ZFAND3: variants seen among roughly 807,000 people sequenced by gnomAD.
The protein encoded by ZFAND3 is zinc finger AN1-type containing 3.
Under a neutral mutation model 29.6 loss-of-function variants are expected in ZFAND3, and 10 were observed. The ratio of observed to expected loss-of-function variants is 0.34; its 90% CI spans 0.21 to 0.57. The LOEUF (loss-of-function observed/expected upper bound fraction) is 0.57, where lower values mean the gene tolerates loss of function less well. ZFAND3 is among the 20% of genes least tolerant of loss of function. The probability of loss-of-function intolerance (pLI) is 0.86; values close to 1 mark genes in which losing one functional copy is unlikely to be tolerated. For synonymous variants in ZFAND3, 128 were observed against 112.6 expected, an observed-to-expected ratio of 1.14 and a Z score of -0.87; for missense variants, 230 against 304.5, an observed-to-expected ratio of 0.76 and a Z score of 1.82.
In ZFAND3 at chr6:37,859,688, A is replaced by G. The variant is rs535763073; in HGVS notation, c.71+39672A>G. Among the ~76,000 whole-genome samples the G allele has an allele frequency of 8.5e-5, 13 of 152,286 alleles. No individual in the cohort carries two copies. In the East Asian group the frequency reaches 9.6e-4, roughly 11 times the overall value. On this transcript the variant is annotated intron_variant, in intron 1 of 5. Coordinates refer to ENST00000287218, the MANE Select transcript of ZFAND3 (RefSeq NM_021943.3). Reference sequence around the variant, plus strand: ...GGATTGAATTCATGAATGGCTTGCAAATATTGTGGGACTGGCCTTGTACCT... The same window carrying G: ...GGATTGAATTCATGAATGGCTTGCAGATATTGTGGGACTGGCCTTGTACCT...
chr6:37,961,126 T>G (rs572325559), intron 2 of ZFAND3, among the ~76,000 whole-genome samples: 1 of 152,238 alleles, frequency 6.6e-6, no homozygotes, highest in South Asian at 2.1e-4. Context: ...AGGACTTGGC[T>G]CTTGGATGGC....
intron 2 of ZFAND3, among the ~76,000 whole-genome samples, chr6:38,014,389 C>T (rs759019860): frequency 4.0e-5 from 6 of 151,728 alleles, no homozygotes; most frequent in Non-Finnish European, 7.4e-5. Flanking sequence ...TGCCGTGGCG[C>T]GATCTTGGCT....
intron 1 of ZFAND3, among the ~76,000 whole-genome samples, chr6:37,844,445 C>T (rs1764139981): frequency 1.3e-5 from 2 of 151,820 alleles, no homozygotes; most frequent in Non-Finnish European, 2.9e-5. Flanking sequence ...CCACACCCGG[C>T]TAATTTTTTG....
chr6:37,849,214 A>G (rs1405707991), intron 1 of ZFAND3, among the ~76,000 whole-genome samples: 1 of 152,168 alleles, frequency 6.6e-6, no homozygotes, highest in Non-Finnish European at 1.5e-5. Flanking sequence ...GGGGAGGACC[A>G]TAGACACACT....
intron 4 of ZFAND3, among the ~76,000 whole-genome samples, chr6:38,092,863 T>C (rs1375935578): frequency 6.6e-6 from 1 of 152,246 alleles, no homozygotes; most frequent in Non-Finnish European, 1.5e-5. Context: ...TGGTACTTCA[T>C]GTATTTGTCA....
intron 2 of ZFAND3, among the ~76,000 whole-genome samples, chr6:37,937,686 A>C (rs1474722087): frequency 1.3e-5 from 2 of 149,320 alleles, no homozygotes; most frequent in Admixed American, 6.7e-5. Context: ...CAAAAAAAGT[A>C]ACTGCTGCTC....
At chr6:37,981,839 C>T (rs2645124) in intron 2 of ZFAND3, among the ~76,000 whole-genome samples, 58,244 of 151,842 alleles carry the variant, frequency 0.38, 11,928 homozygotes, top group Non-Finnish European at 0.47. Context: ...GCCATGTGCC[C>T]AACGTGGTCA....
At chr6:38,057,542 C>T (rs1764153340) in intron 2 of ZFAND3, among the ~76,000 whole-genome samples, 1 of 152,030 alleles carries the variant, frequency 6.6e-6, no homozygotes. Context: ...TTATTTAATC[C>T]ACATTTTCCT....
In ZFAND3 at chr6:38,120,320, CTTTTTTTTTTTTTTTTTT is replaced by C. The variant is rs70981523; in HGVS notation, c.529+3594_529+3611del. Among the ~76,000 whole-genome samples the C allele has an allele frequency of 2.7e-3, 161 of 60,738 alleles. 7 individuals carry two copies. The East Asian group carries it at 0.057, about 21-fold the overall frequency. 39.8% of individuals were successfully genotyped at this position (60,738 alleles called of 152,430 possible). A position where few individuals can be genotyped will look rare whatever the true frequency, so the allele number is the denominator to read the frequency against. ...TGATTGATACACGTAGCTTGGCTTC[CTTTTTTTTTTTTTTTTTT>C]TTTTTTTTTTTTGTGGAGACGGAGT... On this transcript the variant is annotated intron_variant, in intron 5 of 5. Transcript: ENST00000287218.
rs539288996 is a variant in ZFAND3 at position 38,153,238 on chromosome 6, C to T, written c.*849C>T. On this transcript the variant is annotated 3_prime_UTR_variant, in exon 6 of 6. Coordinates refer to ENST00000287218, the MANE Select transcript of ZFAND3 (RefSeq NM_021943.3). ...CGCGGTGGCTGGGTCTGCACACTGGCCTCTGCAGCCAGATTTCTATATTGG... is the reference window on the plus strand; with the variant it reads ...CGCGGTGGCTGGGTCTGCACACTGGTCTCTGCAGCCAGATTTCTATATTGG... 2 of 985,474 alleles carry T rather than the reference C, an allele frequency of 2.0e-6. No homozygotes were observed. The highest frequency in any genetic ancestry group is 1.2e-4 in the Admixed American group (2 of 16,286). 61.0% of individuals were successfully genotyped at this position (985,474 alleles called of 1,614,324 possible).
At chr6:38,061,537 C>T (rs1033438401) in intron 2 of ZFAND3, 56 bp from the exon 3 acceptor site, 2 of 1,591,476 alleles carry the variant, frequency 1.3e-6, no homozygotes, top group Non-Finnish European at 1.7e-6. Context: ...CCATTGTTTT[C>T]TAATCCTCAG....
At chr6:37,878,074 A>G (rs753275799) in intron 1 of ZFAND3, among the ~76,000 whole-genome samples, 2 of 152,176 alleles carry the variant, frequency 1.3e-5, no homozygotes, top group Non-Finnish European at 2.9e-5. Context: ...GCAGATTGGA[A>G]ACAAATTTGC....
At chr6:38,139,850 T>TA (rs1765913638) in intron 5 of ZFAND3, among the ~76,000 whole-genome samples, 1 of 152,024 alleles carries the variant, frequency 6.6e-6, no homozygotes. Flanking sequence ...GTGGATTTGA[T>TA]ATGGGGCGAC....
In ZFAND3 at chr6:37,820,034, TGGGGGCG is replaced by T. The variant is rs535914302; in HGVS notation, c.71+30_71+36del. On this transcript the variant is annotated intron_variant, in intron 1 of 5. Transcript: ENST00000287218. The stretch of plus-strand genomic sequence containing the variant: ...TTCTGGGGGTAAGTGCCCGGCCGGG[TGGGGGCG>T]GGGGGCGGGGGCCGGGGGCGCAGAC... The T allele has an allele frequency of 0.32, 184,958 of 581,636 alleles. 16,372 individuals carry two copies. Among genetic ancestry groups the T allele is most frequent in the African/African-American group, 0.41 (22,631 of 55,318 alleles). The allele number at this position is 581,636 out of a possible 1,614,324, so 36.0% of individuals were successfully genotyped here. A position where few individuals can be genotyped will look rare whatever the true frequency, so the allele number is the denominator to read the frequency against.
At chr6:38,119,091 C>T (rs1765476642) in intron 5 of ZFAND3, among the ~76,000 whole-genome samples, 1 of 152,174 alleles carries the variant, frequency 6.6e-6, no homozygotes, top group Non-Finnish European at 1.5e-5. Flanking sequence ...CAGTTTGACC[C>T]ACTGAGAGCA....
chr6:37,908,565 A>G (rs1765455992), intron 1 of ZFAND3, among the ~76,000 whole-genome samples: 1 of 150,078 alleles, frequency 6.7e-6, no homozygotes. Flanking sequence ...AAAAAGAAAA[A>G]AAAGAAAATA....
intron 3 of ZFAND3, among the ~76,000 whole-genome samples, chr6:38,078,305 G>T (rs1439693932): frequency 6.6e-6 from 1 of 152,176 alleles, no homozygotes; most frequent in Admixed American, 6.5e-5. Context: ...CTCTTCTCTA[G>T]TCACAAACCA....
chr6:38,088,837 T>C (rs1423058271), intron 4 of ZFAND3, among the ~76,000 whole-genome samples: 4 of 152,300 alleles, frequency 2.6e-5, no homozygotes, highest in Non-Finnish European at 4.4e-5. Context: ...TGTGAGGCCA[T>C]AAGGGAGCTG....
chr6:38,095,633 C>A (rs1764963243), intron 4 of ZFAND3, among the ~76,000 whole-genome samples: 1 of 152,146 alleles, frequency 6.6e-6, no homozygotes, highest in Non-Finnish European at 1.5e-5. Context: ...AAATACACCC[C>A]CAAGTTAGTG....
Sources: gnomAD v4.1 joint callset for allele counts (sites outside exome capture counted in the v4.1 genomes callset) on GRCh38, gnomAD v4.1.1 for gene constraint, MANE v1.5 for transcripts, NCBI Gene and HGNC (gene_info 2026-07-23, HGNC 2026-07-21) for gene names.